The following RBPMS2 variants were observed in gnomAD, a reference collection of about 807,000 sequenced individuals.
RBPMS2 encodes RNA binding protein, mRNA processing factor 2, also known as RNA-binding protein with multiple splicing 2.
RBPMS2 carries 14 observed loss-of-function variants against 25.7 expected under a neutral mutation model. The ratio of observed to expected loss-of-function variants is 0.55; its 90% confidence interval spans 0.36 to 0.85. The LOEUF is 0.85. Ranked by LOEUF, RBPMS2 falls within the 40% of genes least tolerant of loss-of-function variation. The pLI is 0.01. For synonymous variants in RBPMS2, 127 were observed against 115.6 expected (o/e 1.10, Z -0.63); for missense variants, 252 against 283.4 (o/e 0.89, Z 0.80).
chr15:64,773,247 TACACCACCAATCCA>T (rs1360616160), intron 1 of RBPMS2, among the ~76,000 whole-genome samples: 2 of 152,198 alleles, frequency 1.3e-5, no homozygotes, highest in Non-Finnish European at 2.9e-5. Context: ...AGTTCCAGCC[TACACCACCAATCCA>T]AGATGGAGCC....
intron 1 of RBPMS2, among the ~76,000 whole-genome samples, chr15:64,758,256 A>G (rs757395109): frequency 2.0e-5 from 3 of 152,200 alleles, no homozygotes; most frequent in Non-Finnish European, 4.4e-5. Flanking sequence ...CAGCAACCCA[A>G]GGGTTCCTGT....
rs2083926070 is a variant in RBPMS2, at chr15:64,775,558, G to A, written c.-239C>T. The A allele has an allele frequency of 5.2e-6, 1 of 193,890 alleles. No individual in the cohort carries two copies. Among genetic ancestry groups the A allele is most frequent in the Non-Finnish European group, 9.8e-6 (1 of 102,556 alleles). 12.0% of individuals were successfully genotyped at this position (193,890 alleles called of 1,614,324 possible). A position where few individuals can be genotyped will look rare whatever the true frequency, so the allele number is the denominator to read the frequency against. On this transcript the variant is annotated 5_prime_UTR_variant, in exon 1 of 8. Transcript: ENST00000300069. ...GGCAGTGGGAGCCGGAGGGGCCGCC[G>A]CCTCCGCCTTTTCACTGCGACCGGC...
At chr15:64,751,671 T>G in intron 1 of RBPMS2, 33 bp from the exon 2 acceptor site, 2 of 1,582,990 alleles carry the variant, frequency 1.3e-6, no homozygotes, top group Non-Finnish European at 8.7e-7. Context: ...AGGGCCAGGC[T>G]GCCCAAGACG....
chr15:64,743,204 G>A (rs2141053270), intron 6 of RBPMS2, among the ~76,000 whole-genome samples: 1 of 152,348 alleles, frequency 6.6e-6, no homozygotes, highest in Middle Eastern at 3.4e-3. Context: ...ACGACAGAAT[G>A]GAAGGAGCTC....
chr15:64,753,876 C>G (rs1353285465), intron 1 of RBPMS2, among the ~76,000 whole-genome samples: 1 of 152,102 alleles, frequency 6.6e-6, no homozygotes, highest in Non-Finnish European at 1.5e-5. Flanking sequence ...ATGGGTGAAA[C>G]CGAGCTCCTG....
chr15:64,748,659 C>A (rs1037937121), intron 5 of RBPMS2, 92 bp from the exon 6 acceptor site: 2 of 1,441,998 alleles, frequency 1.4e-6, no homozygotes, highest in African/African-American at 2.9e-5. Flanking sequence ...GAGCCATATG[C>A]CCCACACTGA....
intron 6 of RBPMS2, among the ~76,000 whole-genome samples, chr15:64,743,314 C>G (rs1246693706): frequency 6.6e-6 from 1 of 152,262 alleles, no homozygotes; most frequent in Admixed American, 6.5e-5. Context: ...CTGCCCTACA[C>G]TCTCGCTACA....
chr15:64,751,934 G>A (rs374452716), intron 1 of RBPMS2, among the ~76,000 whole-genome samples: 81 of 152,002 alleles, frequency 5.3e-4, no homozygotes, highest in African/African-American at 1.9e-3. Flanking sequence ...TGTTTGATAA[G>A]GGTACAAACC....
chr15:64,775,205 C>A (rs1203106595), intron 1 of RBPMS2, 28 bp downstream of exon 1: 3 of 1,202,404 alleles, frequency 2.5e-6, no homozygotes, highest in South Asian at 7.1e-5. Context: ...TGCGCTTCAC[C>A]CGGCAAGTCC....
chr15:64,766,143 A>G (rs1028377656), intron 1 of RBPMS2, among the ~76,000 whole-genome samples: 4 of 152,234 alleles, frequency 2.6e-5, no homozygotes, highest in Non-Finnish European at 4.4e-5. Context: ...GGTCCAAGTC[A>G]GGCTCTGTCC....
At chr15:64,754,515 G>C (rs1187897309) in intron 1 of RBPMS2, among the ~76,000 whole-genome samples, 1 of 152,012 alleles carries the variant, frequency 6.6e-6, no homozygotes, top group Non-Finnish European at 1.5e-5. Context: ...GGGATGCTGA[G>C]GTAGGAGAAT....
intron 1 of RBPMS2, chr15:64,761,339 C>T (rs2083783648): frequency 6.6e-6 from 1 of 152,238 alleles, no homozygotes. Context: ...AAATACAGAA[C>T]ATCTGAGCTG....
chr15:64,775,258 C>G lies in RBPMS2; in HGVS notation c.62G>C (p.Gly21Ala). The change falls in exon 1 of 8, where the codon GGC (glycine) becomes GCC (alanine). Residue 21 changes from glycine to alanine, a missense_variant. By Grantham distance (60) the Gly-to-Ala change is moderately conservative. Transcript: ENST00000300069. ...GGSTGTGSGAGSGGALEEEVR... is the reference protein window; with the variant it reads ...GGSTGTGSGAASGGALEEEVR... ...CTCCTCCTCCAGGGCGCCGCCGGAGCCCGCGCCGGAGCCGGTGCCGGTGCT... is the reference window on the plus strand; with the variant it reads ...CTCCTCCTCCAGGGCGCCGCCGGAGGCCGCGCCGGAGCCGGTGCCGGTGCT... The G allele has an allele frequency of 7.5e-7, 1 of 1,334,994 alleles. No homozygotes were observed. 82.7% of individuals were successfully genotyped at this position (1,334,994 alleles called of 1,614,324 possible). A position where few individuals can be genotyped will look rare whatever the true frequency, so the allele number is the denominator to read the frequency against.
chr15:64,749,301 G>A (rs2083651954), intron 4 of RBPMS2, 130 bp downstream of exon 4: 1 of 1,302,114 alleles, frequency 7.7e-7, no homozygotes, highest in African/African-American at 1.5e-5. Flanking sequence ...CAGGCCTTGA[G>A]TAATGGCCTT....
intron 6 of RBPMS2, among the ~76,000 whole-genome samples, chr15:64,747,552 A>C (rs1391936292): frequency 6.6e-6 from 1 of 152,152 alleles, no homozygotes; most frequent in East Asian, 1.9e-4. Flanking sequence ...AGTGCCCCCC[A>C]GCCCCTTCCT....
At chr15:64,754,866 A>G (rs939670725) in intron 1 of RBPMS2, among the ~76,000 whole-genome samples, 1 of 152,194 alleles carries the variant, frequency 6.6e-6, no homozygotes, top group African/African-American at 2.4e-5. Flanking sequence ...ATGGGCCAAG[A>G]GTGCAGCCAC....
At chr15:64,745,260 A>T (rs887396599) in intron 6 of RBPMS2, among the ~76,000 whole-genome samples, 2 of 152,236 alleles carry the variant, frequency 1.3e-5, no homozygotes, top group African/African-American at 4.8e-5. Flanking sequence ...ATGATAAGCC[A>T]AAGGGAAGAG....
In RBPMS2 at chr15:64,757,352, G is replaced by C. The variant is rs374932740; in HGVS notation, c.88-5714C>G. Among the ~76,000 whole-genome samples, 26 of 152,216 alleles carry C rather than the reference G, an allele frequency of 1.7e-4. No individual in the cohort carries two copies. The East Asian group carries it at 5.0e-3, about 29-fold the overall frequency. On this transcript the variant is annotated intron_variant, in intron 1 of 7. Coordinates refer to ENST00000300069, the MANE Select transcript of RBPMS2 (RefSeq NM_194272.3). ...CTTACTCTCCCCATTACTTGTGAGA[G>C]CAATAAAATGCTGGCTTCATTTAGG...
rs1026039328 is a variant in RBPMS2, at chr15:64,749,265, G to A, written c.268-115C>T. On this transcript the variant is annotated intron_variant, in intron 4 of 7. Transcript: ENST00000300069. The stretch of plus-strand genomic sequence containing the variant: ...CTCGCCTCGAAGACCTGCCCACACG[G>A]TGGCTGAGGCAGAGGAAAGGCAGCT... 5 of 1,396,062 alleles carry A rather than the reference G, an allele frequency of 3.6e-6. No individual in the cohort carries two copies. In the African/African-American group the frequency reaches 7.1e-5, roughly 20 times the overall value. 86.5% of individuals were successfully genotyped at this position (1,396,062 alleles called of 1,614,324 possible).
Sources: allele counts gnomAD v4.1 joint callset (sites outside exome capture counted in the v4.1 genomes callset), GRCh38; gene constraint gnomAD v4.1.1; transcripts MANE v1.5; gene names NCBI Gene and HGNC (gene_info 2026-07-23, HGNC 2026-07-21).